PCDHA2: variants seen among roughly 807,000 people sequenced by gnomAD.
PCDHA2 encodes the protein protocadherin alpha 2.
Under a neutral mutation model 66.0 loss-of-function variants are expected in PCDHA2, and 58 were observed. The observed-to-expected ratio is 0.88, with a 90% confidence interval of 0.71 to 1.09. The LOEUF (loss-of-function observed/expected upper bound fraction) is 1.09, where lower values mean the gene tolerates loss of function less well. Among genes scored for constraint, PCDHA2 ranks in the 50% least tolerant of loss-of-function variants. PCDHA2 has a pLI of 0.00. For missense variants in PCDHA2, 1,267 were observed against 1,242.3 expected (o/e 1.02, Z -0.30); for synonymous variants, 634 against 554.0 (o/e 1.14, Z -2.03).
At chr5:141,000,421 A>ATATTTTTTTTTTT (rs1265241806) in intron 3 of PCDHA2, among the ~76,000 whole-genome samples, 1 of 27,968 alleles carries the variant, frequency 3.6e-5, no homozygotes, top group African/African-American at 1.8e-4. Flanking sequence ...ATATATATAT[A>ATATTTTTTTTTTT]TTTTTTTTTT....
chr5:140,893,753 A>G (rs1007226278), intron 1 of PCDHA2, among the ~76,000 whole-genome samples: 3 of 152,106 alleles, frequency 2.0e-5, no homozygotes, highest in South Asian at 2.1e-4. Context: ...GAATTTTCTT[A>G]TAGGTGACTT....
At chr5:140,953,254 C>A (rs1483553184) in intron 1 of PCDHA2, among the ~76,000 whole-genome samples, 3 of 152,098 alleles carry the variant, frequency 2.0e-5, no homozygotes, top group Non-Finnish European at 2.9e-5. Flanking sequence ...CAGTTTAGTT[C>A]TTTTAGCTTT....
At chr5:140,826,420 T>C (rs2150143820) in intron 1 of PCDHA2, among the ~76,000 whole-genome samples, 1 of 152,194 alleles carries the variant, frequency 6.6e-6, no homozygotes, top group Non-Finnish European at 1.5e-5. Context: ...TATTTTAAGA[T>C]AGAATTTCAC....
At chr5:140,928,096 C>T (rs145229632) in intron 1 of PCDHA2, 1 of 1,614,170 alleles carries the variant, frequency 6.2e-7, no homozygotes, top group Non-Finnish European at 8.5e-7. Context: ...GATTGATGGG[C>T]CCCTGGACCG....
rs527413028 is a variant in PCDHA2, at chr5:140,920,520, G to A, written c.2389-58429G>A. Among the ~76,000 whole-genome samples, 10 of 152,176 alleles carry A rather than the reference G, an allele frequency of 6.6e-5. No homozygotes were observed. In the South Asian group the frequency reaches 1.7e-3, roughly 25 times the overall value. ...TTCTACATACTGTTTTATGCAATTCGTTAGACTCAGGTTTTCTATTTCACC... is the reference window on the plus strand; with the variant it reads ...TTCTACATACTGTTTTATGCAATTCATTAGACTCAGGTTTTCTATTTCACC... On this transcript the variant is annotated intron_variant, in intron 1 of 3. Transcript: ENST00000526136.
At chr5:140,823,702 C>G (rs1554129555) in intron 1 of PCDHA2, 1 of 1,613,834 alleles carries the variant, frequency 6.2e-7, no homozygotes, top group Non-Finnish European at 8.5e-7. Context: ...CGAAGCACCG[C>G]GCCACCGCCT....
chr5:140,877,888 C>T (rs1554170207), intron 1 of PCDHA2: 3 of 1,458,570 alleles, frequency 2.1e-6, no homozygotes, highest in South Asian at 1.5e-5. Flanking sequence ...GAAGAACTTC[C>T]GTTTAGGTTA....
At chr5:140,886,759 G>A (rs541111444) in intron 1 of PCDHA2, among the ~76,000 whole-genome samples, 221 of 150,566 alleles carry the variant, frequency 1.5e-3, no homozygotes, top group Non-Finnish European at 2.7e-3. Flanking sequence ...CCGGGAGGTG[G>A]AGGTTGCAGT....
chr5:140,937,567 G>A lies in PCDHA2; in HGVS notation c.2389-41382G>A, dbSNP rs1218260457. On this transcript the variant is annotated intron_variant, in intron 1 of 3. Transcript: ENST00000526136. ...GCGAGGCAGAGGTTGCAGTGAGCTG[G>A]GATCGCGTCACTGCACTCTAGCCTG... 1.9e-3 allele frequency among the ~76,000 whole-genome samples: 288 copies of A among 150,684 alleles called. 1 individual carries two copies. Among genetic ancestry groups the A allele is most frequent in the African/African-American group, 6.8e-3 (278 of 40,792 alleles).
intron 1 of PCDHA2, chr5:140,861,406 T>C (rs1301419453): frequency 2.3e-5 from 11 of 470,150 alleles, no homozygotes; most frequent in African/African-American, 2.2e-4. Flanking sequence ...CTTGTGGAGC[T>C]GATACCGCGC....
intron 3 of PCDHA2, among the ~76,000 whole-genome samples, chr5:141,008,156 G>A (rs1231186640): frequency 6.6e-6 from 1 of 152,150 alleles, no homozygotes; most frequent in Non-Finnish European, 1.5e-5. Context: ...GGTTTGATAA[G>A]ATGAGGACTA....
Position 140,829,464 on chromosome 5 carries a change from C to T in PCDHA2, c.2388+32112C>T. 1 of 1,613,860 alleles carries T rather than the reference C, an allele frequency of 6.2e-7. No homozygotes were observed. Among genetic ancestry groups the T allele is most frequent in the Non-Finnish European group, 8.5e-7 (1 of 1,180,028 alleles). ...GACAATGCTCCGGCGTTCGCGCAGC[C>T]CGAGTACACAGTGTTCGTGAAGGAG... is the stretch of plus-strand genomic sequence containing the variant. On this transcript the variant is annotated intron_variant, in intron 1 of 3. Coordinates refer to ENST00000526136, the MANE Select transcript of PCDHA2 (RefSeq NM_018905.3).
chr5:140,863,266 G>T, intron 1 of PCDHA2: 2 of 1,458,576 alleles, frequency 1.4e-6, no homozygotes, highest in Non-Finnish European at 1.9e-6. Context: ...CCGGGAGGCA[G>T]CGCTGGTGGA....
chr5:140,831,960 C>A (rs2150110933), intron 1 of PCDHA2, among the ~76,000 whole-genome samples: 1 of 152,212 alleles, frequency 6.6e-6, no homozygotes, highest in East Asian at 1.9e-4. Context: ...AACTTTATGT[C>A]ATTTTATGCT....
chr5:140,928,256 C>G (rs1192362928), intron 1 of PCDHA2: 19 of 1,614,116 alleles, frequency 1.2e-5, no homozygotes, highest in Non-Finnish European at 1.5e-5. Flanking sequence ...CTTTTCGTTG[C>G]TGAAAACAAT....
At chr5:140,850,208 G>T (rs2150473240) in intron 1 of PCDHA2, 1 of 1,593,570 alleles carries the variant, frequency 6.3e-7, no homozygotes, top group Non-Finnish European at 8.6e-7. Flanking sequence ...CTCGGATGAG[G>T]GGCACTGACG....
intron 1 of PCDHA2, among the ~76,000 whole-genome samples, chr5:140,905,599 G>A (rs782355615): frequency 2.0e-5 from 3 of 152,096 alleles, no homozygotes; most frequent in Non-Finnish European, 2.9e-5. Context: ...GCTGGGAATT[G>A]CATTGAATCT....
At chr5:140,887,776 G>T (rs2061574225) in intron 1 of PCDHA2, among the ~76,000 whole-genome samples, 1 of 152,036 alleles carries the variant, frequency 6.6e-6, no homozygotes, top group Non-Finnish European at 1.5e-5. Context: ...CAATGACACA[G>T]GTCATTGAAG....
intron 1 of PCDHA2, chr5:140,851,337 C>T (rs2042031356): frequency 2.0e-6 from 2 of 978,912 alleles, no homozygotes; most frequent in African/African-American, 1.7e-5. Flanking sequence ...TAGTTCTCTA[C>T]ATTTCTCTGG....
Sources: allele counts gnomAD v4.1 joint callset (sites outside exome capture counted in the v4.1 genomes callset), GRCh38; gene constraint gnomAD v4.1.1; transcripts MANE v1.5; gene names NCBI Gene and HGNC (gene_info 2026-07-23, HGNC 2026-07-21).